The following WWP2 variants were observed in gnomAD, a reference collection of about 807,000 sequenced individuals.
The protein encoded by WWP2 is NEDD4-like E3 ubiquitin-protein ligase WWP2.
Under a neutral mutation model 121.0 loss-of-function variants are expected in WWP2, and 57 were observed. The ratio of observed to expected loss-of-function variants is 0.47; its 90% confidence interval spans 0.38 to 0.59. The LOEUF (loss-of-function observed/expected upper bound fraction) is 0.59. Among genes scored for constraint, WWP2 ranks in the 20% least tolerant of loss-of-function variants. The pLI is 0.00. For synonymous variants in WWP2, 449 were observed against 441.3 expected (o/e 1.02, Z -0.22); for missense variants, 962 against 1,158.9 (o/e 0.83, Z 2.47).
At chr16:69,888,876 T>C (rs2057976063) in intron 8 of WWP2, among the ~76,000 whole-genome samples, 1 of 152,150 alleles carries the variant, frequency 6.6e-6, no homozygotes, top group Non-Finnish European at 1.5e-5. Flanking sequence ...GCTAATTTTT[T>C]TGTATTTTTA....
chr16:69,860,179 G>T (rs763400618), intron 6 of WWP2, among the ~76,000 whole-genome samples: 2 of 152,058 alleles, frequency 1.3e-5, no homozygotes, highest in Non-Finnish European at 2.9e-5. Context: ...TTAGCCAGGC[G>T]TGGTGGTCCG....
intron 7 of WWP2, among the ~76,000 whole-genome samples, chr16:69,882,871 G>T (rs902593078): frequency 7.9e-5 from 12 of 152,330 alleles, no homozygotes; most frequent in African/African-American, 2.9e-4. Context: ...TAATACAGCA[G>T]ACCGGGTGCG....
chr16:69,927,105 C>T (rs2058651558), intron 11 of WWP2, among the ~76,000 whole-genome samples: 1 of 151,996 alleles, frequency 6.6e-6, no homozygotes, highest in Non-Finnish European at 1.5e-5. Context: ...AATGAACGAT[C>T]AGAAAAAAAC....
At chr16:69,795,910 A>G (rs1353100042) in intron 2 of WWP2, among the ~76,000 whole-genome samples, 1 of 151,972 alleles carries the variant, frequency 6.6e-6, no homozygotes, top group Non-Finnish European at 1.5e-5. Flanking sequence ...GGCCTCCCAA[A>G]GAGCTGGGAT....
intron 4 of WWP2, among the ~76,000 whole-genome samples, chr16:69,821,274 C>G (rs558444386): frequency 2.6e-5 from 4 of 152,342 alleles, no homozygotes; most frequent in African/African-American, 9.6e-5. Flanking sequence ...CCCTCAACTT[C>G]TCAAAGTTGC....
At chr16:69,888,744 A>G (rs143411813) in intron 8 of WWP2, among the ~76,000 whole-genome samples, 1,705 of 151,062 alleles carry the variant, frequency 0.011, 13 homozygotes, top group Middle Eastern at 0.017. Flanking sequence ...TTAATCTGTC[A>G]CCCAGGCTGG....
chr16:69,778,192 A>AT (rs57651000), intron 1 of WWP2, among the ~76,000 whole-genome samples: 13,174 of 125,466 alleles, frequency 0.11, 933 homozygotes, highest in East Asian at 0.29. Flanking sequence ...ATATATATAT[A>AT]TTTTTTTTTT....
intron 4 of WWP2, among the ~76,000 whole-genome samples, chr16:69,838,537 T>C (rs1201261488): frequency 1.3e-5 from 2 of 151,866 alleles, no homozygotes; most frequent in Non-Finnish European, 2.9e-5. Context: ...CTGGGCAGCC[T>C]GGCCAGGGAT....
intron 6 of WWP2, among the ~76,000 whole-genome samples, chr16:69,851,825 A>C (rs1205762004): frequency 9.2e-6 from 1 of 108,384 alleles, no homozygotes; most frequent in African/African-American, 4.0e-5. Context: ...GTAAAAATAC[A>C]AAAAAAAATT....
At chr16:69,866,078 G>A (rs1012973543) in intron 6 of WWP2, among the ~76,000 whole-genome samples, 1 of 152,222 alleles carries the variant, frequency 6.6e-6, no homozygotes. Context: ...GGGAATTAAG[G>A]TTTTTAAGGT....
intron 4 of WWP2, among the ~76,000 whole-genome samples, chr16:69,814,931 A>G (rs1477771002): frequency 6.6e-6 from 1 of 152,184 alleles, no homozygotes; most frequent in African/African-American, 2.4e-5. Flanking sequence ...AAATTTTTAA[A>G]AAGTTGCTCT....
At chr16:69,784,091 CTTTTTTT>C (rs61650147) in intron 1 of WWP2, among the ~76,000 whole-genome samples, 31 of 60,864 alleles carry the variant, frequency 5.1e-4, no homozygotes, top group South Asian at 2.9e-3. Context: ...TTCTTTCTTT[CTTTTTTT>C]TTTTTTTTTT....
chr16:69,923,070 A>G (rs887042687), intron 10 of WWP2, among the ~76,000 whole-genome samples: 37 of 152,068 alleles, frequency 2.4e-4, no homozygotes, highest in Admixed American at 7.9e-4. Flanking sequence ...TTGTATTTTC[A>G]GTAGAGACAG....
At chr16:69,823,758 G>A (rs1036516617) in intron 4 of WWP2, among the ~76,000 whole-genome samples, 1 of 152,148 alleles carries the variant, frequency 6.6e-6, no homozygotes, top group African/African-American at 2.4e-5. Context: ...TTGAGCCACC[G>A]TGCCCAGCCA....
chr16:69,843,122 G>A (rs1421755023), intron 6 of WWP2, among the ~76,000 whole-genome samples: 1 of 152,148 alleles, frequency 6.6e-6, no homozygotes, highest in Non-Finnish European at 1.5e-5. Context: ...GTCCGGGGCT[G>A]CAGCCACAGT....
intron 1 of WWP2, among the ~76,000 whole-genome samples, chr16:69,772,895 G>A (rs1281089228): frequency 3.3e-5 from 5 of 151,950 alleles, no homozygotes; most frequent in African/African-American, 1.2e-4. Flanking sequence ...TTTCAGTTTC[G>A]ACACACTGGA....
chr16:69,769,233 CT>C (rs1567653002), intron 1 of WWP2, among the ~76,000 whole-genome samples: 1 of 148,326 alleles, frequency 6.7e-6, no homozygotes, highest in Non-Finnish European at 1.5e-5. Context: ...AAGAGAATTG[CT>C]TGAACCCGGG....
At chr16:69,803,284 A>G (rs1310315077) in intron 4 of WWP2, among the ~76,000 whole-genome samples, 2 of 151,980 alleles carry the variant, frequency 1.3e-5, no homozygotes, top group Non-Finnish European at 2.9e-5. Context: ...ATTCTTCAGC[A>G]TGCATCTTGT....
At chr16:69,861,245 T>G (rs1382375363) in intron 6 of WWP2, among the ~76,000 whole-genome samples, 1 of 152,248 alleles carries the variant, frequency 6.6e-6, no homozygotes, top group African/African-American at 2.4e-5. Flanking sequence ...ACTTCCCCTC[T>G]GAACTCTCTA....
Sources: allele counts gnomAD v4.1 joint callset (sites outside exome capture counted in the v4.1 genomes callset), GRCh38; gene constraint gnomAD v4.1.1; transcripts MANE v1.5; gene names NCBI Gene and HGNC (gene_info 2026-07-23, HGNC 2026-07-21).